The following ZMYM2 variants were observed in gnomAD, a reference collection of about 807,000 sequenced individuals.
The protein encoded by ZMYM2 is zinc finger MYM-type protein 2.
A neutral mutation model predicts 162.8 loss-of-function variants in ZMYM2; 56 were observed. That is an observed-to-expected ratio of 0.34 (90% CI 0.28 to 0.43). ZMYM2 has a LOEUF of 0.43. Among genes scored for constraint, ZMYM2 ranks in the 20% least tolerant of loss-of-function variants. ZMYM2 has a pLI of 1.00. For missense variants in ZMYM2, 1,275 were observed against 1,621.8 expected (o/e 0.79, Z 3.67); for synonymous variants, 510 against 541.6 (o/e 0.94, Z 0.81).
At chr13:20,084,164 C>T (rs1230448258) in intron 24 of ZMYM2, among the ~76,000 whole-genome samples, 1 of 152,144 alleles carries the variant, frequency 6.6e-6, no homozygotes. Context: ...AGGCATGTGC[C>T]TCCATAGCTG....
intron 2 of ZMYM2, among the ~76,000 whole-genome samples, chr13:19,985,410 T>C (rs1471030674): frequency 6.6e-6 from 1 of 152,198 alleles, no homozygotes; most frequent in Non-Finnish European, 1.5e-5. Context: ...AGGTGTGAGC[T>C]ACCATGCCTG....
At chr13:19,991,179 T>A (rs1256030355) in intron 2 of ZMYM2, among the ~76,000 whole-genome samples, 2 of 151,698 alleles carry the variant, frequency 1.3e-5, no homozygotes, top group Non-Finnish European at 2.9e-5. Flanking sequence ...AGTGGCACAA[T>A]CGTAGCTCAC....
intron 12 of ZMYM2, among the ~76,000 whole-genome samples, chr13:20,047,879 AAAG>A (rs1954966378): frequency 6.6e-6 from 1 of 152,116 alleles, no homozygotes; most frequent in Non-Finnish European, 1.5e-5. Flanking sequence ...ACCTTTTTAG[AAAG>A]AAGTAGATTT....
At chr13:20,007,947 T>C (rs978759431) in intron 6 of ZMYM2, among the ~76,000 whole-genome samples, 42 of 152,162 alleles carry the variant, frequency 2.8e-4, no homozygotes, top group Admixed American at 2.6e-3. Context: ...GTGAGTTATA[T>C]AGTAGTCCTT....
At chr13:19,876,647 A>G in the ZMYM2 span, among the ~76,000 whole-genome samples, 1 of 152,220 alleles carries the variant, frequency 6.6e-6, no homozygotes, top group African/African-American at 2.4e-5. Flanking sequence ...AAGTATGATA[A>G]AATACATATA....
the ZMYM2 span, among the ~76,000 whole-genome samples, chr13:19,945,953 A>G: frequency 1.8e-4 from 7 of 38,702 alleles, no homozygotes; most frequent in East Asian, 1.7e-3. Context: ...CCGTCTCAGA[A>G]AAAAAAAAAA....
At chr13:20,052,402 AT>A (rs1417445185) in intron 14 of ZMYM2, 91 bp downstream of exon 14, 12 of 1,286,692 alleles carry the variant, frequency 9.3e-6, no homozygotes, top group East Asian at 2.6e-5. Flanking sequence ...CATAATAGTA[AT>A]TTTTTTGGTT....
chr13:19,943,711 A>G, the ZMYM2 span, among the ~76,000 whole-genome samples: 487 of 152,278 alleles, frequency 3.2e-3, 5 homozygotes, highest in African/African-American at 0.011. Context: ...TATTTTAGGT[A>G]CGTGTACAAC....
intron 5 of ZMYM2, among the ~76,000 whole-genome samples, chr13:20,005,563 A>G (rs1335781164): frequency 6.6e-6 from 1 of 152,112 alleles, no homozygotes; most frequent in Non-Finnish European, 1.5e-5. Flanking sequence ...TTATTTAAAC[A>G]AGCAGGCAGA....
At chr13:20,061,991 T>G (rs1956270549) in intron 17 of ZMYM2, among the ~76,000 whole-genome samples, 1 of 152,250 alleles carries the variant, frequency 6.6e-6, no homozygotes, top group Non-Finnish European at 1.5e-5. Flanking sequence ...TATAACGTGA[T>G]GAGTGTGTTG....
the ZMYM2 span, among the ~76,000 whole-genome samples, chr13:19,947,638 T>C: frequency 1.3e-5 from 2 of 149,498 alleles, no homozygotes; most frequent in African/African-American, 4.9e-5. Context: ...TTTGTATTTT[T>C]AGTAGAGACG....
At chr13:20,068,615 C>T (rs566275389) in intron 21 of ZMYM2, among the ~76,000 whole-genome samples, 11 of 152,210 alleles carry the variant, frequency 7.2e-5, no homozygotes, top group Admixed American at 3.9e-4. Context: ...TATTTTCCCT[C>T]CTCTTCTTTT....
chr13:20,009,737 T>C (rs1951023684), intron 6 of ZMYM2, among the ~76,000 whole-genome samples: 2 of 152,238 alleles, frequency 1.3e-5, no homozygotes, highest in Admixed American at 1.3e-4. Flanking sequence ...ATAGCCACGA[T>C]CAGAACATCA....
the ZMYM2 span, among the ~76,000 whole-genome samples, chr13:19,940,156 TGATGTCTAATAC>T: frequency 6.6e-6 from 1 of 152,182 alleles, no homozygotes; most frequent in Non-Finnish European, 1.5e-5. Flanking sequence ...AGGCTCCCAT[TGATGTCTAATAC>T]CTAATTTTAA....
intron 19 of ZMYM2, among the ~76,000 whole-genome samples, chr13:20,064,856 C>A (rs1956553837): frequency 6.7e-6 from 1 of 150,042 alleles, no homozygotes; most frequent in Non-Finnish European, 1.5e-5. Flanking sequence ...TAGTTGATAC[C>A]TCAACTAAAC....
the ZMYM2 span, among the ~76,000 whole-genome samples, chr13:19,876,480 A>G: frequency 6.6e-6 from 1 of 151,560 alleles, no homozygotes; most frequent in African/African-American, 2.4e-5. Flanking sequence ...GTGCCACTAC[A>G]CTGGCTAAGT....
intron 2 of ZMYM2, among the ~76,000 whole-genome samples, chr13:19,973,758 C>T (rs898672658): frequency 1.2e-4 from 18 of 151,686 alleles, no homozygotes; most frequent in Admixed American, 3.3e-4. Context: ...TTGTCCAATC[C>T]GCGGCCCGCA....
intron 6 of ZMYM2, among the ~76,000 whole-genome samples, chr13:20,016,059 G>A (rs775447806): frequency 5.3e-5 from 8 of 150,646 alleles, no homozygotes; most frequent in East Asian, 3.9e-4. Flanking sequence ...ATTTTTTTTC[G>A]GTATATTCTA....
intron 18 of ZMYM2, among the ~76,000 whole-genome samples, chr13:20,064,159 C>T (rs745559931): frequency 2.0e-5 from 3 of 151,560 alleles, no homozygotes; most frequent in African/African-American, 4.9e-5. Context: ...TGTACCAAGA[C>T]CATTTAGATC....
Sources: gnomAD v4.1 joint callset for allele counts (sites outside exome capture counted in the v4.1 genomes callset) on GRCh38, gnomAD v4.1.1 for gene constraint, MANE v1.5 for transcripts, NCBI Gene and HGNC (gene_info 2026-07-23, HGNC 2026-07-21) for gene names.